Variants in ANKRD17 observed in about 807,000 individuals in gnomAD.
The protein encoded by ANKRD17 is ankyrin repeat domain 17, also known as ankyrin repeat domain-containing protein 17.
ANKRD17 carries 19 observed loss-of-function variants against 229.7 expected under a neutral mutation model. The ratio of observed to expected loss-of-function variants is 0.08; its 90% CI spans 0.06 to 0.12. The LOEUF is 0.12. Ranked by LOEUF, ANKRD17 falls within the 10% of genes least tolerant of loss-of-function variation. The probability of loss-of-function intolerance (pLI) is 1.00; values close to 1 mark genes in which losing one functional copy is unlikely to be tolerated. For synonymous variants in ANKRD17, 1,112 were observed against 1,146.1 expected (o/e 0.97, Z 0.60); for missense variants, 2,176 against 3,176.8 (o/e 0.68, Z 7.57).
intron 2 of ANKRD17, among the ~76,000 whole-genome samples, chr4:73,171,191 GAGAGAGAGAGAGAGAGA>G (rs1488939022): frequency 3.3e-5 from 5 of 149,638 alleles, no homozygotes; most frequent in African/African-American, 1.2e-4. Context: ...GAGAGAGAGA[GAGAGAGAGAGAGAGAGA>G]GAGAGAGAGA....
intron 24 of ANKRD17, among the ~76,000 whole-genome samples, chr4:73,107,699 C>T (rs894950977): frequency 6.6e-6 from 1 of 152,014 alleles, no homozygotes; most frequent in Non-Finnish European, 1.5e-5. Flanking sequence ...AGAACTGGAC[C>T]CAGTATATTC....
chr4:73,100,448 T>C (rs1484017952), intron 25 of ANKRD17, among the ~76,000 whole-genome samples: 1 of 151,378 alleles, frequency 6.6e-6, no homozygotes, highest in African/African-American at 2.4e-5. Flanking sequence ...CTATTTGCAG[T>C]TACTTGAATA....
chr4:73,139,763 C>A lies in ANKRD17; in HGVS notation c.2853G>T (p.Ala951=), dbSNP rs149164407. 1.7e-5 allele frequency: 27 copies of A among 1,614,120 alleles called. No individual in the cohort carries two copies. Among genetic ancestry groups the A allele is most frequent in the African/African-American group, 1.5e-4 (11 of 75,030 alleles). Residue 951 remains alanine (A), a synonymous_variant, in exon 15 of 34, where the codon GCG becomes GCT. Coordinates refer to ENST00000358602, the MANE Select transcript of ANKRD17 (RefSeq NM_032217.5). ...GAGGCATCGCCAGAGGCTGGATTGGCGCAAAACCCATCTGAGCAGCAGTCT... is the reference window on the plus strand; with the variant it reads ...GAGGCATCGCCAGAGGCTGGATTGGAGCAAAACCCATCTGAGCAGCAGTCT... The part of the protein sequence containing the change: ...PQQTAAQMGF[A]PIQPLAMPQA...
chr4:73,137,154 G>A (rs1729010074), intron 15 of ANKRD17, among the ~76,000 whole-genome samples: 1 of 151,996 alleles, frequency 6.6e-6, no homozygotes, highest in Non-Finnish European at 1.5e-5. Context: ...AGAAACAAAT[G>A]TAAAATATGT....
intron 2 of ANKRD17, among the ~76,000 whole-genome samples, chr4:73,177,100 T>G (rs1734835460): frequency 6.6e-6 from 1 of 152,170 alleles, no homozygotes; most frequent in Non-Finnish European, 1.5e-5. Context: ...TTTTTGCAGG[T>G]AGGCAAATTC....
chr4:73,237,604 A>T (rs992360813), intron 1 of ANKRD17, among the ~76,000 whole-genome samples: 31 of 152,168 alleles, frequency 2.0e-4, no homozygotes, highest in African/African-American at 7.2e-4. Context: ...TTAGAGATAC[A>T]TTCTAAAGGT....
intron 20 of ANKRD17, 113 bp downstream of exon 20, chr4:73,120,768 C>T: frequency 2.4e-6 from 2 of 835,304 alleles, no homozygotes; most frequent in Non-Finnish European, 3.6e-6. Flanking sequence ...TAAATATATA[C>T]ATAGGAGATA....
chr4:73,158,118 G>A (rs1467918113), intron 3 of ANKRD17, among the ~76,000 whole-genome samples: 2 of 64,942 alleles, frequency 3.1e-5, no homozygotes, highest in East Asian at 4.4e-4. Flanking sequence ...GAAAGAAGGA[G>A]AGAAAGAAAG....
intron 25 of ANKRD17, chr4:73,099,135 AG>A (rs1395022626): frequency 1.5e-5 from 11 of 710,264 alleles, no homozygotes; most frequent in Non-Finnish European, 2.3e-5. Context: ...TCCTCAGAGG[AG>A]GAGCAGTGAC....
intron 6 of ANKRD17, among the ~76,000 whole-genome samples, chr4:73,152,487 G>A (rs1303418093): frequency 2.0e-5 from 3 of 152,056 alleles, no homozygotes; most frequent in Non-Finnish European, 2.9e-5. Context: ...ACCAGAAGGA[G>A]AGGAAGGGAA....
chr4:73,079,877 G>T (rs529038254), intron 30 of ANKRD17, among the ~76,000 whole-genome samples: 1 of 152,292 alleles, frequency 6.6e-6, no homozygotes, highest in East Asian at 1.9e-4. Context: ...CACTTTGGGA[G>T]GCCAAGGCGG....
chr4:73,094,378 A>G (rs1723080683), intron 27 of ANKRD17, 150 bp from the exon 28 acceptor site: 1 of 710,752 alleles, frequency 1.4e-6, no homozygotes, highest in East Asian at 2.8e-5. Flanking sequence ...ACTCTAGATG[A>G]ACAGAGAAAA....
At chr4:73,105,519 A>T (rs1268764482) in intron 24 of ANKRD17, among the ~76,000 whole-genome samples, 1 of 152,130 alleles carries the variant, frequency 6.6e-6, no homozygotes, top group Non-Finnish European at 1.5e-5. Context: ...GGAAGGCCAG[A>T]TCAACACTGG....
At chr4:73,164,325 T>G (rs1471923494) in intron 2 of ANKRD17, among the ~76,000 whole-genome samples, 5 of 152,248 alleles carry the variant, frequency 3.3e-5, no homozygotes, top group Non-Finnish European at 7.3e-5. Flanking sequence ...GAACTTCTTG[T>G]ATCTTCATAA....
intron 2 of ANKRD17, among the ~76,000 whole-genome samples, chr4:73,162,717 T>C (rs1732692367): frequency 6.6e-6 from 1 of 152,144 alleles, no homozygotes; most frequent in African/African-American, 2.4e-5. Context: ...AGTAACCATC[T>C]ATATGAAACC....
intron 27 of ANKRD17, among the ~76,000 whole-genome samples, chr4:73,096,799 C>G (rs1169757702): frequency 5.3e-5 from 8 of 152,100 alleles, no homozygotes; most frequent in African/African-American, 1.9e-4. Flanking sequence ...ACATCAATAC[C>G]TACTAATTCA....
chr4:73,202,398 G>C (rs1232309998), intron 1 of ANKRD17, among the ~76,000 whole-genome samples: 1 of 142,082 alleles, frequency 7.0e-6, no homozygotes, highest in Non-Finnish European at 1.5e-5. Context: ...TCAGAGTTTA[G>C]AGAAATTAAT....
intron 15 of ANKRD17, among the ~76,000 whole-genome samples, chr4:73,137,158 A>G (rs1425865727): frequency 1.3e-5 from 2 of 152,138 alleles, no homozygotes; most frequent in African/African-American, 4.8e-5. Flanking sequence ...ACAAATGTAA[A>G]ATATGTAGGT....
At chr4:73,255,972 C>T (rs554413196) in intron 1 of ANKRD17, among the ~76,000 whole-genome samples, 2 of 152,260 alleles carry the variant, frequency 1.3e-5, no homozygotes, top group South Asian at 2.1e-4. Context: ...GTGATCCGCC[C>T]GCCTCGGTCT....
Sources: gnomAD v4.1 joint callset for allele counts (sites outside exome capture counted in the v4.1 genomes callset) on GRCh38, gnomAD v4.1.1 for gene constraint, MANE v1.5 for transcripts, NCBI Gene and HGNC (gene_info 2026-07-23, HGNC 2026-07-21) for gene names.